The following IHO1 variants were observed in gnomAD, a reference collection of about 807,000 sequenced individuals.
IHO1 encodes the protein interactor of HORMAD1 1, also known as interactor of HORMAD1 protein 1.
In IHO1, 13 loss-of-function variants were observed where a neutral mutation model predicts 31.0. The ratio of observed to expected loss-of-function variants is 0.42; its 90% confidence interval spans 0.27 to 0.67. The LOEUF is 0.67. Among genes scored for constraint, IHO1 ranks in the 30% least tolerant of loss-of-function variants. The probability of loss-of-function intolerance (pLI) is 0.24; values close to 1 mark genes in which losing one functional copy is unlikely to be tolerated. For missense variants in IHO1, 599 were observed against 687.5 expected (o/e 0.87, Z 1.44); for synonymous variants, 221 against 248.4 (o/e 0.89, Z 1.04).
chr3:49,255,514 C>CT lies in IHO1; in HGVS notation c.636+24dup, dbSNP rs767533736. ...AAGCTGTAAGTGTAAACCCCAACCT[C>CT]TTTCTAAGTGTGTTTTGGGCTTTGA... On this transcript the variant is annotated intron_variant, in intron 7 of 7. Coordinates refer to ENST00000452691, the MANE Select transcript of IHO1 (RefSeq NM_001135197.2). 17 of 1,433,218 alleles carry CT rather than the reference C, an allele frequency of 1.2e-5. No individual in the cohort carries two copies. The African/African-American group carries it at 2.0e-4, about 17-fold the overall frequency. The allele number at this position is 1,433,218 out of a possible 1,614,324, so 88.8% of individuals were successfully genotyped here. A position where few individuals can be genotyped will look rare whatever the true frequency, so the allele number is the denominator to read the frequency against.
At chr3:49,237,692 T>A (rs2046576355) in intron 3 of IHO1, among the ~76,000 whole-genome samples, 1 of 151,590 alleles carries the variant, frequency 6.6e-6, no homozygotes, top group Non-Finnish European at 1.5e-5. Flanking sequence ...AGAAATAAAA[T>A]AACAAATTTT....
upstream of IHO1, among the ~76,000 whole-genome samples, chr3:49,193,655 C>CAAA (rs71077770): frequency 1.5e-3 from 37 of 25,016 alleles, 11 homozygotes; most frequent in East Asian, 3.6e-3. Flanking sequence ...GAGACTCTAC[C>CAAA]AAAAAAAAAA....
chr3:49,194,526 C>T (rs538325875), upstream of IHO1, among the ~76,000 whole-genome samples: 880 of 146,900 alleles, frequency 6.0e-3, 10 homozygotes, highest in African/African-American at 0.021. Flanking sequence ...CTCCTGACCT[C>T]GTGATCCACC....
At chr3:49,236,194 G>A (rs971465598) in intron 2 of IHO1, among the ~76,000 whole-genome samples, 1 of 152,200 alleles carries the variant, frequency 6.6e-6, no homozygotes, top group African/African-American at 2.4e-5. Flanking sequence ...GGGCGACAGA[G>A]TAGGATCCTG....
intron 2 of IHO1, among the ~76,000 whole-genome samples, chr3:49,231,609 C>T (rs186522303): frequency 6.6e-6 from 1 of 152,198 alleles, no homozygotes; most frequent in Non-Finnish European, 1.5e-5. Context: ...TGATTTCATA[C>T]AGATGAACAA....
chr3:49,200,491 G>GAAAGAAAGA, intron 1 of IHO1: 2 of 696,764 alleles, frequency 2.9e-6, no homozygotes, highest in East Asian at 2.9e-4. Context: ...AAGAAAGAAA[G>GAAAGAAAGA]AAAGAAAGAA....
intron 2 of IHO1, among the ~76,000 whole-genome samples, chr3:49,212,549 T>A (rs1452758649): frequency 2.0e-5 from 3 of 150,678 alleles, no homozygotes; most frequent in Admixed American, 2.0e-4. Flanking sequence ...TCCCTTCCCA[T>A]CAGGTTATAA....
chr3:49,250,846 A>G (rs377210953), intron 6 of IHO1, among the ~76,000 whole-genome samples: 2 of 151,992 alleles, frequency 1.3e-5, no homozygotes, highest in Admixed American at 6.6e-5. Flanking sequence ...CCTGACCAAC[A>G]TGGTAAAACC....
At chr3:49,193,644 C>A (rs986510174), upstream of IHO1, among the ~76,000 whole-genome samples, 1 of 98,944 alleles carries the variant, frequency 1.0e-5, no homozygotes, top group Non-Finnish European at 1.8e-5. Flanking sequence ...GGCGACAAAG[C>A]GAGACTCTAC....
Position 49,257,003 on chromosome 3 carries a change from G to C in IHO1, c.1506G>C (p.Leu502=), listed in dbSNP as rs776403396. ...QQEPRAQPLH[L]QCPRSPRKPV... is the part of the protein sequence containing the mutation. Reference sequence around the variant, plus strand: ...AACCCCGTGCTCAGCCTCTGCATCTGCAGTGTCCCAGGAGCCCCAGAAAAC... The same window carrying C: ...AACCCCGTGCTCAGCCTCTGCATCTCCAGTGTCCCAGGAGCCCCAGAAAAC... Residue 502 remains leucine, a synonymous_variant, in exon 8 of 8, where the codon CTG becomes CTC. Coordinates refer to ENST00000452691, the MANE Select transcript of IHO1 (RefSeq NM_001135197.2). 3 of 1,614,184 alleles carry C rather than the reference G, an allele frequency of 1.9e-6. No individual in the cohort carries two copies. In the South Asian group the frequency reaches 3.3e-5, roughly 18 times the overall value.
intron 6 of IHO1, among the ~76,000 whole-genome samples, chr3:49,254,801 C>T (rs2046803732): frequency 1.3e-5 from 2 of 152,136 alleles, no homozygotes; most frequent in Admixed American, 1.3e-4. Flanking sequence ...TGGTGGCTCA[C>T]GCCTGTAATC....
chr3:49,212,632 G>T (rs145495918), intron 2 of IHO1, among the ~76,000 whole-genome samples: 1 of 152,098 alleles, frequency 6.6e-6, no homozygotes, highest in Admixed American at 6.6e-5. Context: ...AGACCCTTGC[G>T]GTGAGTGTTA....
intron 2 of IHO1, among the ~76,000 whole-genome samples, chr3:49,220,871 A>G (rs761853815): frequency 6.6e-6 from 1 of 152,220 alleles, no homozygotes; most frequent in Non-Finnish European, 1.5e-5. Flanking sequence ...CCATCAAAAA[A>G]TAAAAAATAA....
chr3:49,210,460 C>T (rs1298414765), intron 1 of IHO1, among the ~76,000 whole-genome samples: 9 of 149,476 alleles, frequency 6.0e-5, no homozygotes, highest in African/African-American at 1.7e-4. Flanking sequence ...TGCAGTGGCA[C>T]GATCTTGGCT....
chr3:49,221,686 A>T (rs574721167), intron 2 of IHO1, among the ~76,000 whole-genome samples: 2 of 152,318 alleles, frequency 1.3e-5, no homozygotes, highest in Admixed American at 6.5e-5. Context: ...CCTTGGTAGA[A>T]GTTGTTAGTT....
In IHO1 at chr3:49,231,967, T is replaced by A. The variant is rs141088195; in HGVS notation, c.57-4581T>A. ...CTCTTTGGCAAATGGATGTCACACA[T>A]GTTCCGTCGTTTGGGAGACTAGCTT... On this transcript the variant is annotated intron_variant, in intron 2 of 7. Transcript: ENST00000452691. Among the ~76,000 whole-genome samples, 889 of 152,342 alleles carry A rather than the reference T, an allele frequency of 5.8e-3. 8 individuals are homozygous for A. Among genetic ancestry groups the A allele is most frequent in the African/African-American group, 0.02 (847 of 41,590 alleles).
intron 1 of IHO1, among the ~76,000 whole-genome samples, chr3:49,205,758 C>T (rs1420928046): frequency 7.2e-6 from 1 of 139,752 alleles, no homozygotes; most frequent in African/African-American, 2.6e-5. Context: ...AGCCACTGCG[C>T]CTGGGCAATT....
At chr3:49,212,715 G>A (rs998476206) in intron 2 of IHO1, among the ~76,000 whole-genome samples, 1 of 152,128 alleles carries the variant, frequency 6.6e-6, no homozygotes, top group African/African-American at 2.4e-5. Flanking sequence ...TCTTCCTTCT[G>A]GTGGGTTTGG....
At chr3:49,212,472 C>T (rs985910668) in intron 2 of IHO1, among the ~76,000 whole-genome samples, 11 of 150,014 alleles carry the variant, frequency 7.3e-5, no homozygotes, top group African/African-American at 2.2e-4. Context: ...GCTGAGATTG[C>T]GCCACTGCAC....
Sources: allele counts gnomAD v4.1 joint callset (sites outside exome capture counted in the v4.1 genomes callset), GRCh38; gene constraint gnomAD v4.1.1; transcripts MANE v1.5; gene names NCBI Gene and HGNC (gene_info 2026-07-23, HGNC 2026-07-21).